The following ELFN2 variants were observed in gnomAD, a reference collection of about 807,000 sequenced individuals.
ELFN2 encodes the protein extracellular leucine rich repeat and fibronectin type III domain containing 2, also known as protein phosphatase 1 regulatory subunit 29.
Under a neutral mutation model 45.5 loss-of-function variants are expected in ELFN2, and 17 were observed. That is an observed-to-expected ratio of 0.37 (90% CI 0.26 to 0.56). The LOEUF (loss-of-function observed/expected upper bound fraction) is 0.56, where lower values mean the gene tolerates loss of function less well. Among genes scored for constraint, ELFN2 ranks in the 20% least tolerant of loss-of-function variants. The pLI, the probability that ELFN2 is intolerant of heterozygous loss-of-function variation, is 0.77. For missense variants in ELFN2, 922 were observed against 1,183.2 expected (o/e 0.78, Z 3.24); for synonymous variants, 550 against 551.5 (o/e 1.00, Z 0.04).
At chr22:37,424,966 G>T (rs1460656115) in intron 1 of ELFN2, among the ~76,000 whole-genome samples, 1 of 152,032 alleles carries the variant, frequency 6.6e-6, no homozygotes, top group Non-Finnish European at 1.5e-5. Flanking sequence ...AAGGCCCATG[G>T]TCTCCTTAAC....
Position 37,373,670 on chromosome 22 carries a change from G to A in ELFN2, c.1865C>T (p.Ala622Val), listed in dbSNP as rs755295450. 1.5e-5 allele frequency: 24 copies of A among 1,572,378 alleles called. No individual in the cohort carries two copies. The highest frequency in any genetic ancestry group is 1.8e-5 in the Non-Finnish European group (21 of 1,161,634). Residue 622 changes from alanine (A) to valine (V), a missense_variant, in exon 3 of 3, where the codon GCG (alanine) becomes GTG (valine). Ala to Val is a moderately conservative substitution (Grantham distance 64). Transcript: ENST00000402918. ...GCTGCAGGTCTTGCGGGTCACGGCC[G>A]CGTCGGCGCTCAGCTGGCGCTGTAG... Reference protein sequence around the residue: ...HPLQRQLSADAAVTRKTCSVS... With the variant: ...HPLQRQLSADVAVTRKTCSVS...
chr22:37,373,624 G>C lies in ELFN2; in HGVS notation c.1911C>G (p.Ile637Met). ...KTCSVSSSGSIKSAKVFSLDV... is the reference protein window; with the variant it reads ...KTCSVSSSGSMKSAKVFSLDV... Reference sequence around the variant, plus strand: ...CCAGGCTAAAGACCTTGGCGCTCTTGATGGAACCACTGGACGACACGCTGC... The same window carrying C: ...CCAGGCTAAAGACCTTGGCGCTCTTCATGGAACCACTGGACGACACGCTGC... Residue 637 changes from isoleucine (I) to methionine (M), a missense_variant, in exon 3 of 3, where the codon ATC becomes ATG. This residue lies in a region of ELFN2 where 564 missense variants were observed against 642.8 expected (regional missense o/e 0.88). Coordinates refer to ENST00000402918, the MANE Select transcript of ELFN2 (RefSeq NM_052906.5). 6.2e-7 allele frequency: 1 copy of C among 1,601,480 alleles called. No individual in the cohort carries two copies. Among genetic ancestry groups the C allele is most frequent in the Non-Finnish European group, 8.5e-7 (1 of 1,175,404 alleles).
chr22:37,419,946 C>T (rs1932796494), intron 1 of ELFN2, among the ~76,000 whole-genome samples: 1 of 152,178 alleles, frequency 6.6e-6, no homozygotes, highest in Non-Finnish European at 1.5e-5. Flanking sequence ...GGTCGCTTTC[C>T]GATCCCGGGC....
chr22:37,413,103 A>G (rs1004891647), intron 2 of ELFN2, among the ~76,000 whole-genome samples: 3 of 152,224 alleles, frequency 2.0e-5, no homozygotes, highest in African/African-American at 4.8e-5. Flanking sequence ...AGACGGGGTG[A>G]GGTACAGGAA....
intron 2 of ELFN2, among the ~76,000 whole-genome samples, chr22:37,400,693 C>T (rs1035704974): frequency 3.3e-5 from 5 of 152,210 alleles, no homozygotes; most frequent in African/African-American, 4.8e-5. Context: ...CCTCACTCCC[C>T]GCCAGGGTCC....
chr22:37,377,479 A>C (rs1251091882), intron 2 of ELFN2, among the ~76,000 whole-genome samples: 1 of 152,214 alleles, frequency 6.6e-6, no homozygotes, highest in Non-Finnish European at 1.5e-5. Flanking sequence ...GAAAGAGAAG[A>C]GTGCTTAAAA....
At chr22:37,356,646 T>C (rs1930956836) in intron 1 of ELFN2, among the ~76,000 whole-genome samples, 2 of 152,206 alleles carry the variant, frequency 1.3e-5, no homozygotes, top group African/African-American at 4.8e-5. Context: ...CAGACACTTA[T>C]GTGTGCTCTG....
intron 2 of ELFN2, among the ~76,000 whole-genome samples, chr22:37,380,056 A>T (rs560476025): frequency 1.3e-5 from 2 of 152,344 alleles, no homozygotes; most frequent in South Asian, 2.1e-4. Context: ...CCCTGGACTC[A>T]GGCTTGCTGA....
intron 2 of ELFN2, among the ~76,000 whole-genome samples, chr22:37,387,484 C>A (rs940901778): frequency 6.6e-6 from 1 of 152,126 alleles, no homozygotes; most frequent in Non-Finnish European, 1.5e-5. Flanking sequence ...GTAGCCTCCT[C>A]GTCCTCCTCA....
intron 2 of ELFN2, among the ~76,000 whole-genome samples, chr22:37,390,825 C>T (rs1932069040): frequency 6.6e-6 from 1 of 152,134 alleles, no homozygotes; most frequent in Non-Finnish European, 1.5e-5. Context: ...CCAGAAGGTT[C>T]TTTACCCAGC....
At chr22:37,404,695 C>T (rs959163173) in intron 2 of ELFN2, among the ~76,000 whole-genome samples, 3 of 152,098 alleles carry the variant, frequency 2.0e-5, no homozygotes, top group Admixed American at 6.5e-5. Flanking sequence ...CCGACAGCAG[C>T]GGCTGACACC....
At chr22:37,352,022 C>T (rs1484606758) in intron 1 of ELFN2, among the ~76,000 whole-genome samples, 1 of 150,700 alleles carries the variant, frequency 6.6e-6, no homozygotes, top group East Asian at 1.9e-4. Flanking sequence ...TTCAGGTAAC[C>T]TACGTCCTGG....
Position 37,379,693 on chromosome 22 carries a change from C to T in ELFN2, c.-462-3697G>A, listed in dbSNP as rs534195295. ...GCAGAGAGGAGAGTCAGTGAGACCTCACAGCACTTGCTGCTCTGAGGGCAG... is the reference window on the plus strand; with the variant it reads ...GCAGAGAGGAGAGTCAGTGAGACCTTACAGCACTTGCTGCTCTGAGGGCAG... On this transcript the variant is annotated intron_variant, in intron 2 of 2. Transcript: ENST00000402918. Among the ~76,000 whole-genome samples, 9 of 152,306 alleles carry T rather than the reference C, an allele frequency of 5.9e-5. No individual in the cohort carries two copies. In the South Asian group the frequency reaches 1.9e-3, roughly 32 times the overall value.
At chr22:37,389,402 C>T (rs1329333559) in intron 2 of ELFN2, among the ~76,000 whole-genome samples, 3 of 152,086 alleles carry the variant, frequency 2.0e-5, no homozygotes, top group African/African-American at 4.8e-5. Context: ...TCCACCAGGC[C>T]GTTACTCACC....
rs150477054 is a variant in ELFN2, at chr22:37,375,067, G to A, written c.468C>T (p.Ile156=). ...AFSECPSLIS[I]DLSSNRLSRL... ...GGCTGAGGCGGTTGGAGGACAGGTC[G>A]ATGCTGATGAGGCTCGGGCACTCGG... Residue 156 remains isoleucine, a synonymous_variant, in exon 3 of 3, where the codon ATC becomes ATT. Transcript: ENST00000402918. 235 of 1,613,616 alleles carry A rather than the reference G, an allele frequency of 1.5e-4. No individual in the cohort carries two copies. The highest frequency in any genetic ancestry group is 1.2e-3 in the African/African-American group (92 of 75,032).
Position 37,375,415 on chromosome 22 carries a change from G to A in ELFN2, c.120C>T (p.Ser40=). Residue 40 remains serine (S), a synonymous_variant, in exon 3 of 3, where the codon AGC becomes AGT. Coordinates refer to ENST00000402918, the MANE Select transcript of ELFN2 (RefSeq NM_052906.5). ...DKGYVWLAIC[S]QNQPPYETIP... Reference sequence around the variant, plus strand: ...TGGTCTCGTAGGGCGGCTGGTTCTGGCTGCAGATGGCCAGCCACACGTAGC... The same window carrying A: ...TGGTCTCGTAGGGCGGCTGGTTCTGACTGCAGATGGCCAGCCACACGTAGC... The A allele has an allele frequency of 1.9e-6, 3 of 1,614,104 alleles. No homozygotes were observed. Among genetic ancestry groups the A allele is most frequent in the Non-Finnish European group, 2.5e-6 (3 of 1,180,000 alleles).
chr22:37,426,064 C>T (rs1376850711), intron 1 of ELFN2, among the ~76,000 whole-genome samples: 1 of 151,950 alleles, frequency 6.6e-6, no homozygotes, highest in Admixed American at 6.6e-5. Flanking sequence ...TAGCGACAGC[C>T]GCAGCCCAGA....
chr22:37,403,607 C>T (rs942169899), intron 2 of ELFN2, among the ~76,000 whole-genome samples: 3 of 152,162 alleles, frequency 2.0e-5, no homozygotes, highest in Non-Finnish European at 2.9e-5. Flanking sequence ...CGGGGTCTAG[C>T]GAGGGGCTGA....
intron 2 of ELFN2, among the ~76,000 whole-genome samples, chr22:37,380,088 A>G (rs1931708821): frequency 1.3e-5 from 2 of 152,128 alleles, no homozygotes; most frequent in South Asian, 2.1e-4. Flanking sequence ...ACATCCTCTC[A>G]GCCCCCCGCT....
Sources: allele counts gnomAD v4.1 joint callset (sites outside exome capture counted in the v4.1 genomes callset), GRCh38; gene constraint gnomAD v4.1.1; regional missense constraint gnomAD v4.1.1; transcripts MANE v1.5; gene names NCBI Gene and HGNC (gene_info 2026-07-23, HGNC 2026-07-21).